Variants in DPYD observed in about 807,000 individuals in gnomAD.
DPYD encodes the protein dihydropyrimidine dehydrogenase [NADP(+)].
In DPYD, 109 loss-of-function variants were observed where a neutral mutation model predicts 116.2. That is an observed-to-expected ratio of 0.94 (90% confidence interval 0.80 to 1.10). DPYD has a LOEUF of 1.10. Ranked by LOEUF, DPYD falls within the 50% of genes least tolerant of loss-of-function variation. The probability of loss-of-function intolerance (pLI) is 0.00; values close to 1 mark genes in which losing one functional copy is unlikely to be tolerated. For missense variants in DPYD, 1,302 were observed against 1,254.5 expected (o/e 1.04, Z -0.57); for synonymous variants, 440 against 432.0 (o/e 1.02, Z -0.23).
At chr1:97,666,133 A>G (rs903947741) in intron 8 of DPYD, among the ~76,000 whole-genome samples, 7 of 152,136 alleles carry the variant, frequency 4.6e-5, no homozygotes, top group African/African-American at 1.7e-4. Context: ...CTTCACAGAA[A>G]CTAATTTCAG....
intron 5 of DPYD, 24 bp downstream of exon 5, chr1:97,721,486 A>T (rs757005421): frequency 2.0e-5 from 32 of 1,609,786 alleles, no homozygotes; most frequent in Non-Finnish European, 2.5e-5. Context: ...TAGTGGGGGG[A>T]TGTCACGTGT....
intron 20 of DPYD, among the ~76,000 whole-genome samples, chr1:97,129,950 T>C (rs540112070): frequency 6.6e-6 from 1 of 152,290 alleles, no homozygotes; most frequent in South Asian, 2.1e-4. Context: ...ATTCTCCTGG[T>C]CCATACCCTG....
intron 22 of DPYD, among the ~76,000 whole-genome samples, chr1:97,079,674 T>C (rs1557850260): frequency 6.6e-6 from 1 of 152,176 alleles, no homozygotes; most frequent in Non-Finnish European, 1.5e-5. Flanking sequence ...CTTTGAGTTT[T>C]GAAGATTTCC....
intron 18 of DPYD, among the ~76,000 whole-genome samples, chr1:97,247,977 A>G (rs1466937779): frequency 6.6e-6 from 1 of 152,248 alleles, no homozygotes. Flanking sequence ...TGTAGAAGAT[A>G]GAGGAAGAAT....
chr1:97,202,328 A>C (rs1030187240), intron 19 of DPYD, among the ~76,000 whole-genome samples: 1 of 152,216 alleles, frequency 6.6e-6, no homozygotes, highest in Middle Eastern at 3.4e-3. Flanking sequence ...TGAAACGATA[A>C]ATTCTCTGAT....
At chr1:97,541,948 A>G (rs1248828109) in intron 12 of DPYD, among the ~76,000 whole-genome samples, 2 of 152,220 alleles carry the variant, frequency 1.3e-5, no homozygotes, top group African/African-American at 4.8e-5. Context: ...GTGAAGTCAT[A>G]TTGAATTATT....
intron 3 of DPYD, among the ~76,000 whole-genome samples, chr1:97,825,609 C>A (rs1289939160): frequency 6.6e-5 from 6 of 90,356 alleles, no homozygotes; most frequent in Non-Finnish European, 1.0e-4. Context: ...CATCACACAC[C>A]AGGGCCTGTC....
Position 97,549,701 on chromosome 1 carries a change from G to A in DPYD, c.1383C>T (p.Leu461=). Residue 461 remains leucine, a synonymous_variant, in exon 12 of 23, where the codon CTC becomes CTT. Transcript: ENST00000370192. ...GCATAGTTTCTGGATCTACTTCTGG[G>A]AGACCCCATCTGTTAAATTTTATAG... The part of the protein sequence containing the change: ...LSPIKFNRWG[L]PEVDPETMQT... 1.2e-6 allele frequency: 2 copies of A among 1,613,694 alleles called. No homozygotes were observed. Among genetic ancestry groups the A allele is most frequent in the Non-Finnish European group, 1.7e-6 (2 of 1,179,842 alleles).
intron 20 of DPYD, among the ~76,000 whole-genome samples, chr1:97,165,033 C>G (rs975896504): frequency 6.6e-6 from 1 of 151,918 alleles, no homozygotes; most frequent in South Asian, 2.1e-4. Context: ...AATGCTATTC[C>G]TATTAAATTA....
chr1:97,701,004 AG>A (rs1661568177), intron 5 of DPYD, among the ~76,000 whole-genome samples: 1 of 151,142 alleles, frequency 6.6e-6, no homozygotes, highest in South Asian at 2.1e-4. Flanking sequence ...ACAAATGGTA[AG>A]ATGGTAAATA....
At chr1:97,648,935 G>T (rs1404933081) in intron 8 of DPYD, among the ~76,000 whole-genome samples, 1 of 151,924 alleles carries the variant, frequency 6.6e-6, no homozygotes. Flanking sequence ...GACCCTCAGT[G>T]TCCTATATTG....
intron 19 of DPYD, among the ~76,000 whole-genome samples, chr1:97,195,519 GGAGAGAGA>G (rs3050245): frequency 0.11 from 8,024 of 74,972 alleles, 637 homozygotes; most frequent in South Asian, 0.26. Flanking sequence ...AATGGGATAA[GGAGAGAGA>G]GAGAGAGAGA....
At chr1:97,449,021 A>ATCTT (rs1446262495) in intron 14 of DPYD, among the ~76,000 whole-genome samples, 3 of 151,962 alleles carry the variant, frequency 2.0e-5, no homozygotes, top group Non-Finnish European at 4.4e-5. Context: ...AATTATCAAG[A>ATCTT]GATAATTTTG....
intron 19 of DPYD, among the ~76,000 whole-genome samples, chr1:97,208,826 A>T (rs1659846408): frequency 6.6e-6 from 1 of 152,106 alleles, no homozygotes; most frequent in Non-Finnish European, 1.5e-5. Context: ...ATGAGATAAG[A>T]ATTATTAAGT....
intron 18 of DPYD, among the ~76,000 whole-genome samples, chr1:97,292,541 G>A (rs1020725212): frequency 2.1e-4 from 32 of 152,288 alleles, no homozygotes; most frequent in African/African-American, 7.7e-4. Flanking sequence ...ATGACATGTG[G>A]GGATTATGAG....
At chr1:97,665,599 T>A (rs1659512946) in intron 8 of DPYD, among the ~76,000 whole-genome samples, 1 of 152,182 alleles carries the variant, frequency 6.6e-6, no homozygotes, top group Non-Finnish European at 1.5e-5. Flanking sequence ...TTCTACCTAA[T>A]CACATTATCT....
At chr1:97,300,255 G>T (rs1047337559) in intron 18 of DPYD, among the ~76,000 whole-genome samples, 1 of 151,974 alleles carries the variant, frequency 6.6e-6, no homozygotes, top group Admixed American at 6.6e-5. Context: ...TATTCTTTTT[G>T]CATGAATTAC....
chr1:97,206,672 AT>A (rs1557938215), intron 19 of DPYD, among the ~76,000 whole-genome samples: 1,220 of 103,144 alleles, frequency 0.012, 85 homozygotes, highest in South Asian at 0.019. Flanking sequence ...ATATATATAT[AT>A]ATATATATAT....
At chr1:97,235,175 T>C (rs779152693) in intron 18 of DPYD, among the ~76,000 whole-genome samples, 181 bp from the exon 19 acceptor site, 21 of 152,274 alleles carry the variant, frequency 1.4e-4, no homozygotes, top group Non-Finnish European at 2.1e-4. Context: ...AGCATGTTAA[T>C]TTGTTAATGG....
Sources: allele counts gnomAD v4.1 joint callset (sites outside exome capture counted in the v4.1 genomes callset), GRCh38; gene constraint gnomAD v4.1.1; transcripts MANE v1.5; gene names NCBI Gene and HGNC (gene_info 2026-07-23, HGNC 2026-07-21).